Variants in CFAP43 observed in about 807,000 individuals in gnomAD.
CFAP43 encodes the protein cilia and flagella associated protein 43, also known as cilia- and flagella-associated protein 43.
CFAP43 carries 155 observed loss-of-function variants against 218.9 expected under a neutral mutation model. The observed-to-expected ratio is 0.71, with a 90% CI of 0.62 to 0.81. The LOEUF (loss-of-function observed/expected upper bound fraction) is 0.81. CFAP43 is among the 30% of genes least tolerant of loss of function. The pLI is 0.00. For missense variants in CFAP43, 1,778 were observed against 1,954.3 expected (o/e 0.91, Z 1.70); for synonymous variants, 645 against 681.3 (o/e 0.95, Z 0.83).
chr10:104,130,105 A>C lies in CFAP43; in HGVS notation c.*34T>G. ...CCCAAATGAAATGATTTTTTAAATG[A>C]TTGATTTGGCCTTGTGTTTTCCTGC... On this transcript the variant is annotated 3_prime_UTR_variant, in exon 38 of 38. Transcript: ENST00000357060. 8 of 1,539,312 alleles carry C rather than the reference A, an allele frequency of 5.2e-6. No homozygotes were observed. Among genetic ancestry groups the C allele is most frequent in the Non-Finnish European group, 7.0e-6 (8 of 1,149,654 alleles).
At chr10:104,164,827 T>A (rs2089070807) in intron 23 of CFAP43, among the ~76,000 whole-genome samples, 1 of 152,248 alleles carries the variant, frequency 6.6e-6, no homozygotes, top group South Asian at 2.1e-4. Context: ...ACATAATTGT[T>A]AGACTATAAC....
chr10:104,161,176 G>T lies in CFAP43; in HGVS notation c.3415-14C>A. 1.9e-6 allele frequency: 3 copies of T among 1,611,462 alleles called. No individual in the cohort carries two copies. Among genetic ancestry groups the T allele is most frequent in the Non-Finnish European group, 2.5e-6 (3 of 1,179,160 alleles). ...TTGAGGAATCACCTGAAGATATGAA[G>T]AAAAGCATATATTTCAGCTCAAACG... is the stretch of plus-strand genomic sequence containing the variant. On this transcript the variant is annotated splice_polypyrimidine_tract_variant and intron_variant, in intron 26 of 37. Transcript: ENST00000357060.
At chr10:104,204,099 C>A (rs1229019867) in intron 7 of CFAP43, among the ~76,000 whole-genome samples, 1 of 152,134 alleles carries the variant, frequency 6.6e-6, no homozygotes, top group Non-Finnish European at 1.5e-5. Flanking sequence ...TTCTTCACTG[C>A]ACAGGAGGTA....
intron 7 of CFAP43, among the ~76,000 whole-genome samples, chr10:104,204,207 C>T (rs1266143935): frequency 6.6e-6 from 1 of 152,172 alleles, no homozygotes; most frequent in African/African-American, 2.4e-5. Flanking sequence ...TTATTATGTG[C>T]ATTTCTTATC....
intron 27 of CFAP43, among the ~76,000 whole-genome samples, chr10:104,158,901 C>A (rs1191615847): frequency 6.6e-6 from 1 of 151,710 alleles, no homozygotes; most frequent in Non-Finnish European, 1.5e-5. Flanking sequence ...TATACATATA[C>A]AATATATATA....
chr10:104,152,532 T>G, intron 28 of CFAP43, 75 bp downstream of exon 28: 1 of 1,581,818 alleles, frequency 6.3e-7, no homozygotes, highest in Non-Finnish European at 8.6e-7. Context: ...GGTAAGGATG[T>G]TGATCTTCAT....
rs2090721574 is a variant in CFAP43, at chr10:104,207,250, T to C, written c.895+415A>G. ...CAAGATGGCTTTTGGGCTTAACAGA[T>C]GATCAGCCTGGAGAAAAGGGTTGGG... On this transcript the variant is annotated intron_variant, in intron 6 of 37. Coordinates refer to ENST00000357060, the MANE Select transcript of CFAP43 (RefSeq NM_025145.7). Among the ~76,000 whole-genome samples, 3 of 151,772 alleles carry C rather than the reference T, an allele frequency of 2.0e-5. No individual in the cohort carries two copies. The South Asian group carries it at 6.2e-4, about 32-fold the overall frequency.
At chr10:104,216,817 C>A (rs1314092686) in intron 3 of CFAP43, among the ~76,000 whole-genome samples, 1 of 152,094 alleles carries the variant, frequency 6.6e-6, no homozygotes, top group Non-Finnish European at 1.5e-5. Flanking sequence ...TGGGATCACA[C>A]ACCCTGCTAA....
chr10:104,175,103 AAG>A, intron 19 of CFAP43, among the ~76,000 whole-genome samples: 1 of 150,620 alleles, frequency 6.6e-6, no homozygotes, highest in Non-Finnish European at 1.5e-5. Flanking sequence ...AAAAACCAAA[AAG>A]AAAATATAAC....
At chr10:104,178,992 G>A (rs762647364) in intron 19 of CFAP43, 37 bp downstream of exon 19, 2 of 1,534,420 alleles carry the variant, frequency 1.3e-6, no homozygotes, top group Non-Finnish European at 1.8e-6. Flanking sequence ...TTAGAATGAG[G>A]GCCAAAGGTA....
intron 16 of CFAP43, among the ~76,000 whole-genome samples, 157 bp from the exon 17 acceptor site, chr10:104,182,670 C>T (rs918951546): frequency 6.6e-6 from 1 of 152,024 alleles, no homozygotes; most frequent in African/African-American, 2.4e-5. Flanking sequence ...GTGGAAACTT[C>T]TTCAGTGCCT....
intron 24 of CFAP43, among the ~76,000 whole-genome samples, chr10:104,163,037 C>T (rs2088960670): frequency 6.6e-6 from 1 of 152,156 alleles, no homozygotes; most frequent in African/African-American, 2.4e-5. Flanking sequence ...CTTGCTGTCA[C>T]CTTGCTCCAG....
intron 3 of CFAP43, chr10:104,218,731 G>A (rs562090395): frequency 3.7e-5 from 19 of 519,722 alleles, no homozygotes; most frequent in African/African-American, 3.4e-4. Context: ...GAAGGTTTGT[G>A]CCCTTCCCCT....
intron 6 of CFAP43, among the ~76,000 whole-genome samples, 171 bp from the exon 7 acceptor site, chr10:104,206,201 C>G (rs1436331171): frequency 6.6e-6 from 1 of 152,034 alleles, no homozygotes; most frequent in African/African-American, 2.4e-5. Context: ...AGGAGCAAGG[C>G]TGGAGGGTAT....
intron 35 of CFAP43, chr10:104,132,610 A>G (rs1021491942): frequency 1.0e-6 from 1 of 983,470 alleles, no homozygotes; most frequent in African/African-American, 1.7e-5. Flanking sequence ...GCAAAACCCC[A>G]TCTCAAAAAA....
chr10:104,167,825 T>G, intron 21 of CFAP43, 88 bp from the exon 22 acceptor site: 1 of 920,384 alleles, frequency 1.1e-6, no homozygotes, highest in Non-Finnish European at 1.6e-6. Flanking sequence ...TTTCTGTGAT[T>G]AAAATTAACC....
intron 25 of CFAP43, 26 bp from the exon 26 acceptor site, chr10:104,162,067 G>C: frequency 6.2e-7 from 1 of 1,603,404 alleles, no homozygotes; most frequent in Non-Finnish European, 8.5e-7. Flanking sequence ...AATCAGAGAG[G>C]AATACTGAGA....
intron 27 of CFAP43, among the ~76,000 whole-genome samples, chr10:104,154,964 G>A (rs1052621806): frequency 2.0e-5 from 3 of 152,208 alleles, no homozygotes; most frequent in African/African-American, 7.2e-5. Context: ...ATGATTTCTG[G>A]AGGGGGCGCT....
At chr10:104,204,697 T>C (rs1251502212) in intron 7 of CFAP43, among the ~76,000 whole-genome samples, 1 of 151,976 alleles carries the variant, frequency 6.6e-6, no homozygotes, top group Non-Finnish European at 1.5e-5. Context: ...ACTGCAAGGT[T>C]GGGGGAGCTA....
Sources: gnomAD v4.1 joint callset for allele counts (sites outside exome capture counted in the v4.1 genomes callset) on GRCh38, gnomAD v4.1.1 for gene constraint, MANE v1.5 for transcripts, NCBI Gene and HGNC (gene_info 2026-07-23, HGNC 2026-07-21) for gene names.